Variants in TNFRSF9 observed in about 807,000 individuals in gnomAD.
The protein encoded by TNFRSF9 is tumor necrosis factor receptor superfamily member 9.
TNFRSF9 carries 16 observed loss-of-function variants against 28.8 expected under a neutral mutation model. The ratio of observed to expected loss-of-function variants is 0.55; its 90% CI spans 0.38 to 0.84. The LOEUF is 0.84. Ranked by LOEUF, TNFRSF9 falls within the 40% of genes least tolerant of loss-of-function variation. The pLI, the probability that TNFRSF9 is intolerant of heterozygous loss-of-function variation, is 0.00. For synonymous variants in TNFRSF9, 131 were observed against 117.0 expected, an observed-to-expected ratio of 1.12 and a Z score of -0.77; for missense variants, 303 against 315.0, an observed-to-expected ratio of 0.96 and a Z score of 0.29.
intron 7 of TNFRSF9, among the ~76,000 whole-genome samples, chr1:7,922,291 T>C (rs559959681): frequency 6.6e-6 from 1 of 152,300 alleles, no homozygotes; most frequent in South Asian, 2.1e-4. Flanking sequence ...AATTTCAAAA[T>C]GGAGATCTCT....
At chr1:7,933,529 G>A (rs1639767839) in intron 6 of TNFRSF9, among the ~76,000 whole-genome samples, 3 of 151,980 alleles carry the variant, frequency 2.0e-5, no homozygotes, top group African/African-American at 7.2e-5. Flanking sequence ...TTAGAGTCAG[G>A]AGTTCAAGAC....
rs1639501970 is a variant in TNFRSF9, at chr1:7,917,943, T to A, written c.*2892A>T. 2 of 140,362 alleles carry A rather than the reference T, an allele frequency of 1.4e-5. No homozygotes were observed. The highest frequency in any genetic ancestry group is 5.5e-5 in the African/African-American group (2 of 36,060). The allele number at this position is 140,362 out of a possible 1,614,324, so 8.7% of individuals were successfully genotyped here. On this transcript the variant is annotated 3_prime_UTR_variant, in exon 8 of 8. Coordinates refer to ENST00000377507, the MANE Select transcript of TNFRSF9 (RefSeq NM_001561.6). ...ATAAAAAATTTTAAAAAGGGAAAAA[T>A]AAATTACAAAGGATATATATATATA...
chr1:7,932,827 T>C (rs2151417534), intron 7 of TNFRSF9, among the ~76,000 whole-genome samples: 1 of 152,178 alleles, frequency 6.6e-6, no homozygotes, highest in East Asian at 1.9e-4. Context: ...TGTGCTCTTC[T>C]ATATGCAAGC....
At chr1:7,922,957 C>G (rs1639584933) in intron 7 of TNFRSF9, among the ~76,000 whole-genome samples, 1 of 147,970 alleles carries the variant, frequency 6.8e-6, no homozygotes, top group Admixed American at 6.9e-5. Context: ...GGCTGGAGTG[C>G]AATGGCGTGA....
At chr1:7,934,965 G>A in intron 6 of TNFRSF9, 48 bp downstream of exon 6, 1 of 1,603,268 alleles carries the variant, frequency 6.2e-7, no homozygotes, top group East Asian at 2.2e-5. Flanking sequence ...ATACAATCTG[G>A]AATCACCATA....
At chr1:7,932,719 A>ACG (rs1307778311) in intron 7 of TNFRSF9, among the ~76,000 whole-genome samples, 2 of 146,132 alleles carry the variant, frequency 1.4e-5, no homozygotes, top group Non-Finnish European at 2.9e-5. Flanking sequence ...ACACACAGAC[A>ACG]CGCACACACA....
At chr1:7,934,801 G>T (rs550446605) in intron 6 of TNFRSF9, among the ~76,000 whole-genome samples, 1 of 152,236 alleles carries the variant, frequency 6.6e-6, no homozygotes, top group South Asian at 2.1e-4. Context: ...CTCTGTTTGG[G>T]TGAAGTGTCC....
In TNFRSF9 at chr1:7,938,760, C is replaced by T; in HGVS notation, c.169G>A (p.Gly57Ser). The T allele has an allele frequency of 6.2e-7, 1 of 1,613,632 alleles. No homozygotes were observed. The highest frequency in any genetic ancestry group is 8.5e-7 in the Non-Finnish European group (1 of 1,179,718). The part of the protein sequence containing the change: ...PCPPNSFSSA[G>S]GQRTCDICRQ... ...CATATGTCACAGGTCCTTTGTCCACCTGCGCTGGAGAAACTATTTGGAGGA... is the reference window on the plus strand; with the variant it reads ...CATATGTCACAGGTCCTTTGTCCACTTGCGCTGGAGAAACTATTTGGAGGA... The change falls in exon 3 of 8, where the codon GGT (glycine) becomes AGT (serine). Residue 57 changes from glycine to serine, a missense_variant. Coordinates refer to ENST00000377507, the MANE Select transcript of TNFRSF9 (RefSeq NM_001561.6).
intron 7 of TNFRSF9, among the ~76,000 whole-genome samples, chr1:7,921,142 C>T (rs770596452): frequency 1.3e-5 from 2 of 151,384 alleles, no homozygotes; most frequent in African/African-American, 4.9e-5. Context: ...TCAAGACCAG[C>T]GTGGCCAACA....
Position 7,935,035 on chromosome 1 carries a change from C to A in TNFRSF9, c.522G>T (p.Pro174=). 5 of 1,614,218 alleles carry A rather than the reference C, an allele frequency of 3.1e-6. No individual in the cohort carries two copies. Among genetic ancestry groups the A allele is most frequent in the Non-Finnish European group, 4.2e-6 (5 of 1,180,032 alleles). ...DLSPGASSVT[P]PAPAREPGHS... ...TACCTGGCTCTCTCGCAGGGGCAGG[C>A]GGGGTCACAGAGGATGCTCCCGGAG... Residue 174 remains proline (P), a synonymous_variant, in exon 6 of 8, where the codon CCG becomes CCT. Transcript: ENST00000377507.
chr1:7,939,181 G>A (rs1433075028), intron 2 of TNFRSF9, among the ~76,000 whole-genome samples: 13 of 151,884 alleles, frequency 8.6e-5, no homozygotes, highest in Middle Eastern at 3.4e-3. Flanking sequence ...TTAGCCAGGC[G>A]CAGTGGTGCA....
chr1:7,920,838 C>G lies in TNFRSF9; in HGVS notation c.765G>C (p.Leu255=). The part of the protein sequence containing the change: ...FPEEEEGGCE[L] ...AACAGCCCTATTGACTTCCATTTCA[C>G]AGTTCACATCCTCCTTCTTCTTCTT... Residue 255 remains leucine (L), a synonymous_variant, in exon 8 of 8, where the codon CTG becomes CTC. Transcript: ENST00000377507. 1 of 1,613,280 alleles carries G rather than the reference C, an allele frequency of 6.2e-7. No homozygotes were observed. The highest frequency in any genetic ancestry group is 1.1e-5 in the South Asian group (1 of 91,066).
intron 6 of TNFRSF9, 141 bp from the exon 7 acceptor site, chr1:7,933,437 T>C (rs928609949): frequency 7.6e-6 from 8 of 1,058,556 alleles, no homozygotes; most frequent in Non-Finnish European, 1.1e-5. Context: ...TGGAGTAAAC[T>C]TAGAAAACTT....
chr1:7,929,776 T>A (rs2151416019), intron 7 of TNFRSF9, among the ~76,000 whole-genome samples: 1 of 152,210 alleles, frequency 6.6e-6, no homozygotes, highest in South Asian at 2.1e-4. Flanking sequence ...TGCTGGTTGT[T>A]ATACAACTCC....
In TNFRSF9 at chr1:7,937,551, GT is replaced by G. The variant is rs1490304008; in HGVS notation, c.413+138del. 1.1e-4 allele frequency: 68 copies of G among 624,396 alleles called. No homozygotes were observed. In the African/African-American group the frequency reaches 1.1e-3, roughly 10 times the overall value. The allele number at this position is 624,396 out of a possible 1,614,324, so 38.7% of individuals were successfully genotyped here. On this transcript the variant is annotated intron_variant, in intron 5 of 7. Transcript: ENST00000377507. Reference sequence around the variant, plus strand: ...TATTGAGTTGCTACGACCTCACAGTGTTCCCACGCTGCCTATTAGTATGTTA... The same window carrying G: ...TATTGAGTTGCTACGACCTCACAGTGTCCCACGCTGCCTATTAGTATGTTA...
intron 7 of TNFRSF9, among the ~76,000 whole-genome samples, chr1:7,922,250 C>T (rs1370309692): frequency 3.3e-5 from 5 of 152,142 alleles, no homozygotes; most frequent in South Asian, 2.1e-4. Context: ...GAAATACCAA[C>T]GGGATGTCTT....
chr1:7,932,750 C>CAT (rs1639752927), intron 7 of TNFRSF9, among the ~76,000 whole-genome samples: 2 of 151,654 alleles, frequency 1.3e-5, no homozygotes, highest in Admixed American at 6.6e-5. Context: ...CACACACACA[C>CAT]ATACACATAC....
At chr1:7,935,204 A>G (rs1578076587) in intron 5 of TNFRSF9, 61 bp from the exon 6 acceptor site, 1 of 1,566,326 alleles carries the variant, frequency 6.4e-7, no homozygotes, top group Non-Finnish European at 8.7e-7. Context: ...ATTCTGGTTT[A>G]AAACTTTGTC....
chr1:7,937,680 T>G lies in TNFRSF9; in HGVS notation c.413+10A>C. The G allele has an allele frequency of 6.2e-7, 1 of 1,610,552 alleles. No individual in the cohort carries two copies. The highest frequency in any genetic ancestry group is 8.5e-7 in the Non-Finnish European group (1 of 1,177,196). On this transcript the variant is annotated intron_variant, in intron 5 of 7. Transcript: ENST00000377507. ...TCTTTATTCCATAAACTAAAGGAAA[T>G]TATACGTACTTTGTCCAGGGTCGAC...
Sources: gnomAD v4.1 joint callset for allele counts (sites outside exome capture counted in the v4.1 genomes callset) on GRCh38, gnomAD v4.1.1 for gene constraint, MANE v1.5 for transcripts, NCBI Gene and HGNC (gene_info 2026-07-23, HGNC 2026-07-21) for gene names.